Variants in AHCYL2 observed in about 807,000 individuals in gnomAD.
AHCYL2 encodes S-adenosylhomocysteine hydrolase-like protein 2.
A neutral mutation model predicts 81.4 loss-of-function variants in AHCYL2; 28 were observed. That is an observed-to-expected ratio of 0.34 (90% CI 0.25 to 0.47). The LOEUF (loss-of-function observed/expected upper bound fraction) is 0.47. Among genes scored for constraint, AHCYL2 ranks in the 20% least tolerant of loss-of-function variants. The probability of loss-of-function intolerance (pLI) is 1.00; values close to 1 mark genes in which losing one functional copy is unlikely to be tolerated. For synonymous variants in AHCYL2, 272 were observed against 290.2 expected, an observed-to-expected ratio of 0.94 and a Z score of 0.64; for missense variants, 551 against 785.1, an observed-to-expected ratio of 0.70 and a Z score of 3.56.
intron 1 of AHCYL2, among the ~76,000 whole-genome samples, chr7:129,307,563 C>T (rs1468429598): frequency 6.6e-6 from 1 of 151,934 alleles, no homozygotes; most frequent in Non-Finnish European, 1.5e-5. Context: ...GGCCTGGAAT[C>T]AGGGACCCCA....
chr7:129,244,652 C>T (rs1794984920), intron 1 of AHCYL2, among the ~76,000 whole-genome samples: 1 of 152,102 alleles, frequency 6.6e-6, no homozygotes. Context: ...TATGAGGACT[C>T]CACCCTCATG....
chr7:129,271,933 C>G (rs1214716381), intron 1 of AHCYL2, among the ~76,000 whole-genome samples: 2 of 152,180 alleles, frequency 1.3e-5, no homozygotes, highest in East Asian at 3.8e-4. Context: ...GCACCACCCC[C>G]ATCTAGTGGT....
Position 129,311,658 on chromosome 7 carries a change from T to G in AHCYL2, c.364-67980T>G, listed in dbSNP as rs574320978. ...CTAATACTAATCTGTCAGCAAATCC[T>G]TTTGGCTCTACTTTCAATATATTCA... On this transcript the variant is annotated intron_variant, in intron 1 of 16. Transcript: ENST00000325006. 3.4e-5 allele frequency among the ~76,000 whole-genome samples: 5 copies of G among 147,472 alleles called. No homozygotes were observed. In the South Asian group the frequency reaches 1.2e-3, roughly 34 times the overall value.
intron 1 of AHCYL2, among the ~76,000 whole-genome samples, chr7:129,249,084 A>G (rs1795158763): frequency 6.7e-6 from 1 of 150,316 alleles, no homozygotes; most frequent in South Asian, 2.1e-4. Context: ...TGCAGCCTCA[A>G]CCTCCTGGGC....
chr7:129,285,612 C>T (rs1796600068), intron 1 of AHCYL2, among the ~76,000 whole-genome samples: 1 of 152,028 alleles, frequency 6.6e-6, no homozygotes, highest in Admixed American at 6.6e-5. Flanking sequence ...TTCTTCCTGA[C>T]CTTGTAGAAT....
At chr7:129,371,097 C>A (rs1395633213) in intron 1 of AHCYL2, among the ~76,000 whole-genome samples, 2 of 152,044 alleles carry the variant, frequency 1.3e-5, no homozygotes, top group African/African-American at 4.8e-5. Flanking sequence ...CTTTTAATCC[C>A]CAAGAAAAAA....
chr7:129,333,762 A>C (rs576087533), intron 1 of AHCYL2, among the ~76,000 whole-genome samples: 35 of 152,336 alleles, frequency 2.3e-4, no homozygotes, highest in African/African-American at 8.2e-4. Flanking sequence ...TAAGCTAGGA[A>C]AGAGCAAAAA....
chr7:129,421,910 T>C (rs1049600821), intron 12 of AHCYL2, among the ~76,000 whole-genome samples: 1 of 152,274 alleles, frequency 6.6e-6, no homozygotes, highest in African/African-American at 2.4e-5. Context: ...ATATGGTATG[T>C]ACCCTGTAAA....
At chr7:129,346,468 A>C (rs1303732348) in intron 1 of AHCYL2, among the ~76,000 whole-genome samples, 1 of 152,190 alleles carries the variant, frequency 6.6e-6, no homozygotes, top group African/African-American at 2.4e-5. Context: ...AAAAGTGGGC[A>C]AAAGACATGG....
chr7:129,416,756 C>T (rs1796872560), intron 12 of AHCYL2, among the ~76,000 whole-genome samples: 2 of 151,976 alleles, frequency 1.3e-5, no homozygotes, highest in Admixed American at 6.6e-5. Context: ...GCCAAGATCG[C>T]ACCATTGCAC....
intron 1 of AHCYL2, among the ~76,000 whole-genome samples, chr7:129,246,852 T>C (rs1795079386): frequency 6.6e-6 from 1 of 152,198 alleles, no homozygotes; most frequent in Non-Finnish European, 1.5e-5. Flanking sequence ...GTGTGGCTTT[T>C]CCACTTGATG....
chr7:129,249,883 G>A (rs1174154593), intron 1 of AHCYL2, among the ~76,000 whole-genome samples: 2 of 152,134 alleles, frequency 1.3e-5, no homozygotes, highest in Non-Finnish European at 2.9e-5. Context: ...TCATATTGTA[G>A]CCTGTATTAG....
intron 1 of AHCYL2, among the ~76,000 whole-genome samples, chr7:129,338,323 A>T (rs1381266899): frequency 6.7e-6 from 1 of 149,370 alleles, no homozygotes; most frequent in Non-Finnish European, 1.5e-5. Context: ...TAATTTGTAA[A>T]TTTTTTTTTT....
chr7:129,241,499 G>T (rs891996254), intron 1 of AHCYL2, among the ~76,000 whole-genome samples: 1 of 152,118 alleles, frequency 6.6e-6, no homozygotes, highest in African/African-American at 2.4e-5. Context: ...GCTGAGGCAG[G>T]AGAATCACTT....
chr7:129,371,996 A>G (rs1485902720), intron 1 of AHCYL2, among the ~76,000 whole-genome samples: 1 of 152,194 alleles, frequency 6.6e-6, no homozygotes, highest in Admixed American at 6.5e-5. Context: ...CTATCACTCT[A>G]GGTCAGGATT....
At chr7:129,251,613 C>T (rs1042943602) in intron 1 of AHCYL2, among the ~76,000 whole-genome samples, 2 of 152,084 alleles carry the variant, frequency 1.3e-5, no homozygotes, top group Admixed American at 6.5e-5. Context: ...GCTGCCTTGG[C>T]GTCCCAAAGT....
At chr7:129,273,935 A>G (rs1796107898) in intron 1 of AHCYL2, among the ~76,000 whole-genome samples, 1 of 152,344 alleles carries the variant, frequency 6.6e-6, no homozygotes, top group African/African-American at 2.4e-5. Context: ...ATTTCCAATC[A>G]TCTATAGGCA....
intron 5 of AHCYL2, 54 bp downstream of exon 5, chr7:129,397,378 C>A: frequency 1.3e-6 from 2 of 1,498,678 alleles, no homozygotes; most frequent in Non-Finnish European, 1.8e-6. Flanking sequence ...TGGAGACTTA[C>A]TTTATGTTTC....
chr7:129,354,643 G>A (rs976229552), intron 1 of AHCYL2, among the ~76,000 whole-genome samples: 2 of 152,158 alleles, frequency 1.3e-5, no homozygotes, highest in African/African-American at 4.8e-5. Context: ...TCTTGCAACC[G>A]AACATAGACT....
Sources: allele counts gnomAD v4.1 joint callset (sites outside exome capture counted in the v4.1 genomes callset), GRCh38; gene constraint gnomAD v4.1.1; transcripts MANE v1.5; gene names NCBI Gene and HGNC (gene_info 2026-07-23, HGNC 2026-07-21).